RAB7A: variants seen among roughly 807,000 people sequenced by gnomAD.
RAB7A encodes RAB7A, member RAS oncogene family.
A neutral mutation model predicts 24.5 loss-of-function variants in RAB7A; 2 were observed. The observed-to-expected ratio is 0.08, with a 90% CI of 0.03 to 0.26. The LOEUF is 0.26. Among genes scored for constraint, RAB7A ranks in the 10% least tolerant of loss-of-function variants. RAB7A has a pLI of 1.00. For synonymous variants in RAB7A, 100 were observed against 95.9 expected (o/e 1.04, Z -0.25); for missense variants, 118 against 255.7 (o/e 0.46, Z 3.67).
chr3:128,770,667 G>A (rs2070876379), intron 1 of RAB7A, among the ~76,000 whole-genome samples: 1 of 152,192 alleles, frequency 6.6e-6, no homozygotes. Context: ...AGCCAGGTCT[G>A]TAATCCAGTG....
Position 128,789,768 on chromosome 3 carries a change from C to G in RAB7A, c.-8-5592C>G, listed in dbSNP as rs912899481. Among the ~76,000 whole-genome samples the G allele has an allele frequency of 4.0e-5, 6 of 150,286 alleles. No homozygotes were observed. In the South Asian group the frequency reaches 1.3e-3, roughly 32 times the overall value. On this transcript the variant is annotated intron_variant, in intron 1 of 5. Coordinates refer to ENST00000265062, the MANE Select transcript of RAB7A (RefSeq NM_004637.6). ...GGGCAGCTTCTTGTAGCAAAAGTTGCATTTAGTGTGTTTTGTTCCTGGCTT... is the reference window on the plus strand; with the variant it reads ...GGGCAGCTTCTTGTAGCAAAAGTTGGATTTAGTGTGTTTTGTTCCTGGCTT...
intron 1 of RAB7A, among the ~76,000 whole-genome samples, chr3:128,768,545 T>C (rs73198826): frequency 0.041 from 6,314 of 152,178 alleles, 178 homozygotes; most frequent in Non-Finnish European, 0.058. Context: ...ATGTAAAGTG[T>C]GCGTGTTTTG....
At chr3:128,778,061 TAG>T (rs1445312532) in intron 1 of RAB7A, among the ~76,000 whole-genome samples, 2 of 152,156 alleles carry the variant, frequency 1.3e-5, no homozygotes, top group Non-Finnish European at 2.9e-5. Flanking sequence ...GAAGATGGTG[TAG>T]ATATCAAGTA....
chr3:128,736,911 A>G (rs1482201369), intron 1 of RAB7A, among the ~76,000 whole-genome samples: 1 of 152,124 alleles, frequency 6.6e-6, no homozygotes, highest in Non-Finnish European at 1.5e-5. Flanking sequence ...TATTGGGGGA[A>G]ATAGCTCTCA....
chr3:128,765,981 T>A (rs1194852837), intron 1 of RAB7A, among the ~76,000 whole-genome samples: 1 of 152,048 alleles, frequency 6.6e-6, no homozygotes, highest in Non-Finnish European at 1.5e-5. Context: ...AGGCTGGTCT[T>A]GAACTCCTGA....
chr3:128,778,625 T>G lies in RAB7A; in HGVS notation c.-8-16735T>G, dbSNP rs146951933. ...GAAAGTTTTTGGAGTTTTGGAAGTT[T>G]ATAAAATGCTCAGTCATCCTGTTTT... On this transcript the variant is annotated intron_variant, in intron 1 of 5. Coordinates refer to ENST00000265062, the MANE Select transcript of RAB7A (RefSeq NM_004637.6). Among the ~76,000 whole-genome samples the G allele has an allele frequency of 6.1e-3, 927 of 152,330 alleles. 8 individuals are homozygous for G. The highest frequency in any genetic ancestry group is 0.021 in the African/African-American group (885 of 41,570).
chr3:128,792,422 T>G (rs568842011), intron 1 of RAB7A, among the ~76,000 whole-genome samples: 1 of 152,310 alleles, frequency 6.6e-6, no homozygotes, highest in Admixed American at 6.5e-5. Flanking sequence ...TTTTTTCCTT[T>G]TTGAAAAAGA....
At chr3:128,794,653 G>T (rs888861689) in intron 1 of RAB7A, among the ~76,000 whole-genome samples, 1 of 152,150 alleles carries the variant, frequency 6.6e-6, no homozygotes, top group African/African-American at 2.4e-5. Context: ...CCATGCTGTG[G>T]CAAGTCCTGG....
intron 1 of RAB7A, 74 bp from the exon 2 acceptor site, chr3:128,795,286 C>G: frequency 7.8e-7 from 1 of 1,279,282 alleles, no homozygotes; most frequent in East Asian, 2.3e-5. Flanking sequence ...GCTGCTCAGA[C>G]ATTTGTGCAA....
At chr3:128,772,182 A>G (rs1046784542) in intron 1 of RAB7A, among the ~76,000 whole-genome samples, 1 of 152,244 alleles carries the variant, frequency 6.6e-6, no homozygotes, top group East Asian at 1.9e-4. Flanking sequence ...GGGAAGGATT[A>G]TCAAGACAGT....
At chr3:128,728,882 T>C (rs2070406649) in intron 1 of RAB7A, among the ~76,000 whole-genome samples, 1 of 152,200 alleles carries the variant, frequency 6.6e-6, no homozygotes, top group South Asian at 2.1e-4. Context: ...TTTCTTCAGC[T>C]GGCAAGAAAG....
rs567590545 is a variant in RAB7A at position 128,726,300 on chromosome 3, C to T, written c.-68C>T. On this transcript the variant is annotated 5_prime_UTR_variant, in exon 1 of 6. Transcript: ENST00000265062. Reference sequence around the variant, plus strand: ...CTCGCTTCTGTCCTCCGTTTAGTCTCCTCCTCGGCGGGAGCCCTCGCGACG... The same window carrying T: ...CTCGCTTCTGTCCTCCGTTTAGTCTTCTCCTCGGCGGGAGCCCTCGCGACG... 3.3e-5 allele frequency: 5 copies of T among 152,340 alleles called. No individual in the cohort carries two copies. The highest frequency in any genetic ancestry group is 1.2e-4 in the African/African-American group (5 of 41,566). 9.4% of individuals were successfully genotyped at this position (152,340 alleles called of 1,614,324 possible).
chr3:128,757,493 A>G (rs2070739852), intron 1 of RAB7A, among the ~76,000 whole-genome samples: 1 of 151,818 alleles, frequency 6.6e-6, no homozygotes, highest in Non-Finnish European at 1.5e-5. Context: ...TTTATTTTTT[A>G]AATAAAATAT....
chr3:128,752,245 C>T (rs1460493406), intron 1 of RAB7A, among the ~76,000 whole-genome samples: 2 of 152,030 alleles, frequency 1.3e-5, no homozygotes, highest in Non-Finnish European at 2.9e-5. Flanking sequence ...TGTATACTGA[C>T]TACACTAACA....
intron 5 of RAB7A, among the ~76,000 whole-genome samples, chr3:128,811,597 C>T (rs1166699918): frequency 6.6e-6 from 1 of 152,196 alleles, no homozygotes; most frequent in African/African-American, 2.4e-5. Context: ...TGCCTAAAAT[C>T]ACAGCACTTT....
intron 1 of RAB7A, among the ~76,000 whole-genome samples, chr3:128,794,545 T>C (rs1933526467): frequency 6.6e-6 from 1 of 152,204 alleles, no homozygotes; most frequent in South Asian, 2.1e-4. Flanking sequence ...TAACAAGTAG[T>C]TCTTCTGAGT....
chr3:128,783,851 G>A (rs1380220623), intron 1 of RAB7A, among the ~76,000 whole-genome samples: 1 of 152,206 alleles, frequency 6.6e-6, no homozygotes, highest in African/African-American at 2.4e-5. Flanking sequence ...TTAACATGCT[G>A]AACACTTCTT....
chr3:128,758,244 G>A (rs1479971993), intron 1 of RAB7A, among the ~76,000 whole-genome samples: 1 of 150,402 alleles, frequency 6.6e-6, no homozygotes, highest in Non-Finnish European at 1.5e-5. Flanking sequence ...GGTTACAGGT[G>A]TGAGCCACCA....
chr3:128,734,285 G>A (rs2070468273), intron 1 of RAB7A, among the ~76,000 whole-genome samples: 1 of 151,786 alleles, frequency 6.6e-6, no homozygotes, highest in Admixed American at 6.6e-5. Flanking sequence ...CAAAAAATTA[G>A]CCAGGCGTGG....
Sources: allele counts gnomAD v4.1 joint callset (sites outside exome capture counted in the v4.1 genomes callset), GRCh38; gene constraint gnomAD v4.1.1; transcripts MANE v1.5; gene names NCBI Gene and HGNC (gene_info 2026-07-23, HGNC 2026-07-21).